Variants in UIMC1 observed in about 807,000 individuals in gnomAD.
The protein encoded by UIMC1 is BRCA1-A complex subunit RAP80.
A neutral mutation model predicts 84.9 loss-of-function variants in UIMC1; 42 were observed. The observed-to-expected ratio is 0.49, with a 90% CI of 0.39 to 0.64. The LOEUF (loss-of-function observed/expected upper bound fraction) is 0.64, where lower values mean the gene tolerates loss of function less well. Ranked by LOEUF, UIMC1 falls within the 30% of genes least tolerant of loss-of-function variation. The pLI, the probability that UIMC1 is intolerant of heterozygous loss-of-function variation, is 0.00. For synonymous variants in UIMC1, 281 were observed against 293.0 expected (o/e 0.96, Z 0.42); for missense variants, 825 against 847.6 (o/e 0.97, Z 0.33).
intron 10 of UIMC1, chr5:176,919,049 C>A: frequency 5.2e-6 from 1 of 190,884 alleles, no homozygotes; most frequent in Non-Finnish European, 1.1e-5. Context: ...ATTCTCAAAA[C>A]TCTAATATCC....
intron 1 of UIMC1, among the ~76,000 whole-genome samples, chr5:176,999,771 T>A (rs1206592730): frequency 6.6e-6 from 1 of 152,214 alleles, no homozygotes; most frequent in African/African-American, 2.4e-5. Flanking sequence ...CCATTATGTA[T>A]AAGTACCATA....
chr5:177,002,011 T>C (rs1581714196), intron 1 of UIMC1: 1 of 142,032 alleles, frequency 7.0e-6, no homozygotes, highest in African/African-American at 2.7e-5. Flanking sequence ...TAATCCCAGC[T>C]ACTTGGGAGG....
intron 2 of UIMC1, among the ~76,000 whole-genome samples, chr5:176,981,788 T>A (rs928153620): frequency 6.6e-5 from 10 of 150,474 alleles, no homozygotes; most frequent in Admixed American, 3.3e-4. Flanking sequence ...ACCCTGGCTC[T>A]AGAAAAAAAA....
chr5:176,995,270 T>C (rs1189895786), intron 1 of UIMC1, among the ~76,000 whole-genome samples: 1 of 152,000 alleles, frequency 6.6e-6, no homozygotes, highest in East Asian at 1.9e-4. Context: ...ACTTGTGGGC[T>C]GGGCATGGTG....
chr5:176,966,046 C>A (rs1768243640), intron 6 of UIMC1, among the ~76,000 whole-genome samples: 1 of 152,186 alleles, frequency 6.6e-6, no homozygotes, highest in African/African-American at 2.4e-5. Flanking sequence ...TTAAAAATGC[C>A]TTCTTTGCTG....
chr5:176,998,927 C>T (rs1025509519), intron 1 of UIMC1, among the ~76,000 whole-genome samples: 21 of 152,086 alleles, frequency 1.4e-4, no homozygotes, highest in Admixed American at 1.4e-3. Context: ...CAGTGTCTCA[C>T]GCCTGTAATT....
chr5:176,984,680 G>T (rs1041209204), intron 1 of UIMC1, among the ~76,000 whole-genome samples: 1 of 149,770 alleles, frequency 6.7e-6, no homozygotes, highest in African/African-American at 2.5e-5. Flanking sequence ...AAGAAAGAGA[G>T]ATCAGGTTGT....
upstream of UIMC1, among the ~76,000 whole-genome samples, chr5:177,008,602 G>A (rs769968644): frequency 6.6e-6 from 1 of 152,264 alleles, no homozygotes; most frequent in Non-Finnish European, 1.5e-5. Flanking sequence ...GAAGACTATT[G>A]ATGCATTGGT....
chr5:176,971,042 T>C (rs531860680), intron 3 of UIMC1, among the ~76,000 whole-genome samples, 176 bp from the exon 4 acceptor site: 2 of 152,330 alleles, frequency 1.3e-5, no homozygotes, highest in South Asian at 2.1e-4. Context: ...CCAAGATAAT[T>C]AGCAGCAGTT....
At chr5:176,932,732 G>C (rs185671585) in intron 10 of UIMC1, among the ~76,000 whole-genome samples, 1 of 152,132 alleles carries the variant, frequency 6.6e-6, no homozygotes, top group East Asian at 1.9e-4. Context: ...AGTTGCTCTG[G>C]AGATACATCC....
chr5:176,963,372 T>C (rs1211002422), intron 6 of UIMC1, among the ~76,000 whole-genome samples: 3 of 151,632 alleles, frequency 2.0e-5, no homozygotes, highest in Non-Finnish European at 4.4e-5. Flanking sequence ...AATACAAAAA[T>C]TAGCCAGGCA....
At chr5:176,913,138 T>C (rs1036564365) in intron 10 of UIMC1, among the ~76,000 whole-genome samples, 1 of 152,228 alleles carries the variant, frequency 6.6e-6, no homozygotes, top group Non-Finnish European at 1.5e-5. Flanking sequence ...ACATCTTGGA[T>C]TTACTCAGTT....
At chr5:176,943,296 C>T (rs764517294) in intron 10 of UIMC1, 39 bp downstream of exon 10, 2 of 1,600,252 alleles carry the variant, frequency 1.2e-6, no homozygotes, top group Admixed American at 1.7e-5. Flanking sequence ...AACCACCACA[C>T]AAAAAAGTAA....
rs1759498531 is a variant in UIMC1, at chr5:176,907,180, G to A, written c.1849-3C>T. 4 of 1,612,826 alleles carry A rather than the reference G, an allele frequency of 2.5e-6. No individual in the cohort carries two copies. Among genetic ancestry groups the A allele is most frequent in the South Asian group, 1.1e-5 (1 of 90,800 alleles). On this transcript the variant is annotated splice_region_variant and splice_polypyrimidine_tract_variant and intron_variant, in intron 12 of 14. Coordinates refer to ENST00000511320, the MANE Select transcript of UIMC1 (RefSeq NM_001199298.2). The stretch of plus-strand genomic sequence containing the variant: ...CGGCCTTCACTGTGGCCTTTTTCCT[G>A]TAACAGAGAAAAACAGATGAAAAGG...
At chr5:177,012,096 T>C (rs1037507142) in intron 1 of UIMC1, among the ~76,000 whole-genome samples, 3 of 152,038 alleles carry the variant, frequency 2.0e-5, no homozygotes, top group East Asian at 1.9e-4. Flanking sequence ...CACCGCACCC[T>C]GCTAGGGAGA....
At chr5:176,963,847 A>AT (rs754980476) in intron 6 of UIMC1, among the ~76,000 whole-genome samples, 11 of 144,100 alleles carry the variant, frequency 7.6e-5, no homozygotes, top group Admixed American at 5.3e-4. Flanking sequence ...GTCATTTCTG[A>AT]TAAAAAAAAA....
chr5:176,962,029 C>T (rs1458820724), intron 6 of UIMC1, among the ~76,000 whole-genome samples: 15 of 43,430 alleles, frequency 3.5e-4, no homozygotes, highest in African/African-American at 4.0e-4. Flanking sequence ...CCGCCCCGTC[C>T]GGGAGGTGAG....
chr5:176,970,271 CA>C (rs57976266), intron 4 of UIMC1: 4,884 of 77,956 alleles, frequency 0.063, 62 homozygotes, highest in East Asian at 0.1. Context: ...GACTCCATCT[CA>C]AAAAAAAAAA....
intron 10 of UIMC1, among the ~76,000 whole-genome samples, chr5:176,934,569 G>A (rs531460495): frequency 4.3e-4 from 66 of 152,306 alleles, no homozygotes; most frequent in African/African-American, 1.4e-3. Flanking sequence ...GACTTGTGAC[G>A]TGAGGAGAAA....
Sources: allele counts gnomAD v4.1 joint callset (sites outside exome capture counted in the v4.1 genomes callset), GRCh38; gene constraint gnomAD v4.1.1; transcripts MANE v1.5; gene names NCBI Gene and HGNC (gene_info 2026-07-23, HGNC 2026-07-21).